The following NCOA7 variants were observed in gnomAD, a reference collection of about 807,000 sequenced individuals.
NCOA7 encodes the protein 140 kDa estrogen receptor-associated protein.
Under a neutral mutation model 104.3 loss-of-function variants are expected in NCOA7, and 45 were observed. The ratio of observed to expected loss-of-function variants is 0.43; its 90% confidence interval spans 0.34 to 0.55. The LOEUF is 0.55. Ranked by LOEUF, NCOA7 falls within the 20% of genes least tolerant of loss-of-function variation. The pLI, the probability that NCOA7 is intolerant of heterozygous loss-of-function variation, is 0.02. For missense variants in NCOA7, 1,041 were observed against 1,119.7 expected (o/e 0.93, Z 1.00); for synonymous variants, 398 against 402.3 (o/e 0.99, Z 0.13).
intron 1 of NCOA7, among the ~76,000 whole-genome samples, chr6:125,793,133 C>T (rs941324788): frequency 1.4e-4 from 21 of 152,096 alleles, no homozygotes; most frequent in African/African-American, 5.1e-4. Flanking sequence ...CAGGAACCAA[C>T]AGTGGGAGGG....
chr6:125,873,716 A>G (rs1431531330), intron 3 of NCOA7, among the ~76,000 whole-genome samples: 1 of 152,212 alleles, frequency 6.6e-6, no homozygotes, highest in African/African-American at 2.4e-5. Context: ...ATTCTCTGGA[A>G]TGACTGAACA....
In NCOA7 at chr6:125,874,914, T is replaced by C. The variant is rs775512512; in HGVS notation, c.297T>C (p.Asp99=). The C allele has an allele frequency of 1.1e-5, 17 of 1,613,290 alleles. No individual in the cohort carries two copies. The Admixed American group carries it at 2.3e-4, about 22-fold the overall frequency. The change falls in exon 4 of 16, where the codon GAT becomes GAC. Residue 99 remains aspartate, a synonymous_variant. Transcript: ENST00000392477. ...ATGACAATCAAAACAAAACACATGA[T>C]AAAAAAGAGAAGAAGATGGTGGTTC... is the stretch of plus-strand genomic sequence containing the variant. ...SIDDNQNKTH[D]KKEKKMVVQK... is the part of the protein sequence containing the mutation.
intron 1 of NCOA7, among the ~76,000 whole-genome samples, chr6:125,813,023 C>G (rs927989589): frequency 6.6e-6 from 1 of 152,168 alleles, no homozygotes; most frequent in African/African-American, 2.4e-5. Flanking sequence ...TTTAATGAAT[C>G]TACTTCACCC....
In NCOA7 at chr6:125,838,464, G is replaced by T. The variant is rs553121942; in HGVS notation, c.51-16556G>T. Among the ~76,000 whole-genome samples the T allele has an allele frequency of 2.6e-5, 4 of 152,226 alleles. No homozygotes were observed. In the Middle Eastern group the frequency reaches 0.01, roughly 388 times the overall value. On this transcript the variant is annotated intron_variant, in intron 2 of 15. Transcript: ENST00000392477. ...CTAGATCAGGACAAGGGAAGACCTG[G>T]CTGGATTGATGCAAAACTCCCCCAT...
chr6:125,905,837 G>C (rs1219054036), intron 10 of NCOA7, among the ~76,000 whole-genome samples: 1 of 152,024 alleles, frequency 6.6e-6, no homozygotes, highest in African/African-American at 2.4e-5. Context: ...GTCTTGCTTT[G>C]TCGCCCAGGC....
chr6:125,840,496 A>T (rs905388152), intron 2 of NCOA7, among the ~76,000 whole-genome samples: 2 of 151,914 alleles, frequency 1.3e-5, no homozygotes, highest in African/African-American at 2.4e-5. Context: ...CATGGTAAGG[A>T]CCCTATACAG....
At chr6:125,920,840 G>A in intron 11 of NCOA7, 103 bp from the exon 12 acceptor site, 1 of 1,435,008 alleles carries the variant, frequency 7.0e-7, no homozygotes, top group Non-Finnish European at 9.4e-7. Flanking sequence ...TGCTGCCGAA[G>A]CGTCACCTTT....
At chr6:125,787,831 T>G (rs1224555675), upstream of NCOA7, among the ~76,000 whole-genome samples, 1 of 152,226 alleles carries the variant, frequency 6.6e-6, no homozygotes, top group Non-Finnish European at 1.5e-5. Flanking sequence ...AGTAATACCT[T>G]TGATTGATGG....
chr6:125,835,188 A>T (rs1779510049), intron 2 of NCOA7, among the ~76,000 whole-genome samples: 4 of 152,344 alleles, frequency 2.6e-5, no homozygotes, highest in East Asian at 1.9e-4. Context: ...TAATCTTAAG[A>T]TACAACAGCT....
intron 12 of NCOA7, 138 bp downstream of exon 12, chr6:125,921,206 T>C: frequency 1.7e-6 from 2 of 1,175,188 alleles, no homozygotes; most frequent in East Asian, 5.8e-5. Flanking sequence ...GGTCAGGAGT[T>C]TGAGACCAGA....
rs1419640443 is a variant in NCOA7, at chr6:125,929,296, T to A, written c.*525T>A. The A allele has an allele frequency of 6.6e-6, 1 of 151,534 alleles. No homozygotes were observed. Among genetic ancestry groups the A allele is most frequent in the East Asian group, 1.9e-4 (1 of 5,140 alleles). 9.4% of individuals were successfully genotyped at this position (151,534 alleles called of 1,614,324 possible). ...ATTATTTGTAGTATATTGTCTGAAA[T>A]GTGTCGGCAGTTTTTTTTCTTTTAA... On this transcript the variant is annotated 3_prime_UTR_variant, in exon 16 of 16. Coordinates refer to ENST00000392477, the MANE Select transcript of NCOA7 (RefSeq NM_181782.5).
At chr6:125,791,309 G>A (rs114427530) in intron 1 of NCOA7, among the ~76,000 whole-genome samples, 3,897 of 152,356 alleles carry the variant, frequency 0.026, 174 homozygotes, top group African/African-American at 0.089. Context: ...CCCCTTGGGG[G>A]GCTCGTGGGG....
upstream of NCOA7, among the ~76,000 whole-genome samples, chr6:125,787,789 A>T (rs1774539937): frequency 1.3e-5 from 2 of 152,234 alleles, no homozygotes; most frequent in South Asian, 2.1e-4. Flanking sequence ...TACCATTTTT[A>T]AAAACTTTAT....
intron 1 of NCOA7, among the ~76,000 whole-genome samples, chr6:125,781,835 A>T (rs4897157): frequency 0.41 from 61,676 of 152,112 alleles, 14,195 homozygotes; most frequent in East Asian, 0.7. Context: ...TAATCTATGC[A>T]CATACAACAC....
intron 10 of NCOA7, among the ~76,000 whole-genome samples, chr6:125,896,445 G>A (rs1023360100): frequency 1.3e-5 from 2 of 152,142 alleles, no homozygotes; most frequent in Non-Finnish European, 1.5e-5. Flanking sequence ...TTTGATATAA[G>A]GTAAGGCCAA....
At chr6:125,825,592 T>A (rs1228578870) in intron 2 of NCOA7, among the ~76,000 whole-genome samples, 1 of 152,234 alleles carries the variant, frequency 6.6e-6, no homozygotes, top group Non-Finnish European at 1.5e-5. Context: ...GCAGATGAAT[T>A]TTGATATTTC....
intron 11 of NCOA7, 137 bp downstream of exon 11, chr6:125,915,617 A>T: frequency 2.8e-6 from 3 of 1,056,670 alleles, no homozygotes; most frequent in Non-Finnish European, 4.0e-6. Context: ...AAATAACTTT[A>T]TTCCTCCGTT....
chr6:125,865,840 T>G (rs1303297612), intron 3 of NCOA7, among the ~76,000 whole-genome samples: 1 of 132,410 alleles, frequency 7.6e-6, no homozygotes, highest in Non-Finnish European at 1.6e-5. Context: ...ATTTTTATAT[T>G]TTCTTTCTTT....
chr6:125,834,930 A>C (rs1779490292), intron 2 of NCOA7, among the ~76,000 whole-genome samples: 1 of 152,218 alleles, frequency 6.6e-6, no homozygotes, highest in African/African-American at 2.4e-5. Context: ...TGGCATTATT[A>C]GATTAATTTA....
Sources: gnomAD v4.1 joint callset for allele counts (sites outside exome capture counted in the v4.1 genomes callset) on GRCh38, gnomAD v4.1.1 for gene constraint, MANE v1.5 for transcripts, NCBI Gene and HGNC (gene_info 2026-07-23, HGNC 2026-07-21) for gene names.